The following WWOX variants were observed in gnomAD, a reference collection of about 807,000 sequenced individuals.
WWOX encodes the protein WW domain containing oxidoreductase.
WWOX carries 69 observed loss-of-function variants against 46.2 expected under a neutral mutation model. The ratio of observed to expected loss-of-function variants is 1.49; its 90% CI spans 1.23 to 1.82. WWOX has a LOEUF of 1.82. WWOX is among the 40% of genes most tolerant of loss of function. The pLI is 0.00. For missense variants in WWOX, 919 were observed against 542.6 expected, an observed-to-expected ratio of 1.69 and a Z score of -6.89; for synonymous variants, 359 against 202.6, an observed-to-expected ratio of 1.77 and a Z score of -6.56.
chr16:78,131,009 C>G (rs769930372), intron 4 of WWOX, among the ~76,000 whole-genome samples: 21 of 152,180 alleles, frequency 1.4e-4, no homozygotes, highest in Non-Finnish European at 2.9e-4. Flanking sequence ...ACTTGTATAG[C>G]ATGGTACCGA....
intron 8 of WWOX, among the ~76,000 whole-genome samples, chr16:78,991,544 T>A: frequency 7.0e-6 from 1 of 142,006 alleles, no homozygotes. Context: ...GAGGCTATAG[T>A]GAGCCATGAT....
chr16:78,310,450 G>A (rs889040059), intron 5 of WWOX, among the ~76,000 whole-genome samples: 1 of 152,206 alleles, frequency 6.6e-6, no homozygotes, highest in Admixed American at 6.5e-5. Context: ...TTTGTTTTCA[G>A]CTCTGAGAGC....
chr16:78,976,660 GA>G lies in WWOX; in HGVS notation c.1057-234947del, dbSNP rs560460126. ...ATAAGACCATCTCTTGGATTAATGTGACGCTGAAATAAAATAATCCAAAGAG... is the reference window on the plus strand; with the variant it reads ...ATAAGACCATCTCTTGGATTAATGTGCGCTGAAATAAAATAATCCAAAGAG... On this transcript the variant is annotated intron_variant, in intron 8 of 8. Transcript: ENST00000566780. Among the ~76,000 whole-genome samples, 187 of 152,324 alleles carry G rather than the reference GA, an allele frequency of 1.2e-3. 1 individual carries two copies. Among genetic ancestry groups the G allele is most frequent in the African/African-American group, 4.1e-3 (172 of 41,570 alleles).
At chr16:78,993,925 G>T (rs138808792) in intron 8 of WWOX, among the ~76,000 whole-genome samples, 1 of 152,140 alleles carries the variant, frequency 6.6e-6, no homozygotes, top group Non-Finnish European at 1.5e-5. Flanking sequence ...GTATGTGACC[G>T]CTTCCCCCGT....
At chr16:78,700,766 G>A (rs555184268) in intron 8 of WWOX, among the ~76,000 whole-genome samples, 12 of 152,290 alleles carry the variant, frequency 7.9e-5, no homozygotes, top group Admixed American at 5.9e-4. Flanking sequence ...AACAGCCATC[G>A]CTAGCATGGT....
chr16:78,789,063 C>T (rs1439062703), intron 8 of WWOX, among the ~76,000 whole-genome samples: 1 of 152,116 alleles, frequency 6.6e-6, no homozygotes, highest in East Asian at 1.9e-4. Flanking sequence ...AAAGTTTTAA[C>T]AACAAAAGTT....
intron 8 of WWOX, among the ~76,000 whole-genome samples, chr16:78,940,535 C>T (rs557634615): frequency 1.5e-4 from 23 of 152,212 alleles, no homozygotes; most frequent in Non-Finnish European, 2.9e-4. Context: ...ATCGACATCC[C>T]GTGTTCCATC....
At chr16:78,590,024 C>A (rs546623999) in intron 8 of WWOX, among the ~76,000 whole-genome samples, 1 of 152,122 alleles carries the variant, frequency 6.6e-6, no homozygotes, top group African/African-American at 2.4e-5. Flanking sequence ...TCTTACGTGT[C>A]ACGCACTGTG....
intron 8 of WWOX, among the ~76,000 whole-genome samples, chr16:78,760,451 G>T (rs1304154241): frequency 6.6e-6 from 1 of 152,264 alleles, no homozygotes; most frequent in African/African-American, 2.4e-5. Flanking sequence ...ATCATGCAAG[G>T]TAGCATACTC....
intron 8 of WWOX, among the ~76,000 whole-genome samples, chr16:79,190,365 G>T (rs370665738): frequency 6.6e-6 from 1 of 152,034 alleles, no homozygotes; most frequent in African/African-American, 2.4e-5. Context: ...GGGAATTAGC[G>T]TGTAGCTATT....
chr16:78,619,347 G>C, intron 8 of WWOX, among the ~76,000 whole-genome samples: 1 of 97,754 alleles, frequency 1.0e-5, no homozygotes, highest in Admixed American at 1.3e-4. Flanking sequence ...GGGCAACAGA[G>C]CAAGACGCCA....
At chr16:78,410,681 A>G (rs960578404) in intron 6 of WWOX, among the ~76,000 whole-genome samples, 2 of 151,492 alleles carry the variant, frequency 1.3e-5, no homozygotes, top group East Asian at 2.0e-4. Flanking sequence ...TGGCACATGC[A>G]TGTAATCCCA....
Position 78,603,130 on chromosome 16 carries a change from C to G in WWOX, c.1056+170378C>G, listed in dbSNP as rs557005835. ...TTCTTGCGTTGCTCTTAAGCCCCCA[C>G]TCTTGGGCAAGGCTCTGTGCTATGC... On this transcript the variant is annotated intron_variant, in intron 8 of 8. Transcript: ENST00000566780. Among the ~76,000 whole-genome samples, 3 of 152,356 alleles carry G rather than the reference C, an allele frequency of 2.0e-5. No individual in the cohort carries two copies. The East Asian group carries it at 5.8e-4, about 29-fold the overall frequency.
intron 8 of WWOX, among the ~76,000 whole-genome samples, chr16:78,661,685 A>T (rs1475377080): frequency 1.3e-5 from 2 of 151,760 alleles, no homozygotes; most frequent in African/African-American, 4.8e-5. Context: ...GAATGGGGGG[A>T]AAAGCTTCAG....
chr16:78,781,121 T>G (rs2050313337), intron 8 of WWOX, among the ~76,000 whole-genome samples: 1 of 152,178 alleles, frequency 6.6e-6, no homozygotes, highest in Non-Finnish European at 1.5e-5. Flanking sequence ...CTGTTGTTTC[T>G]GACAGGTAAA....
chr16:78,718,889 G>C (rs2048628727), intron 8 of WWOX, among the ~76,000 whole-genome samples: 1 of 152,106 alleles, frequency 6.6e-6, no homozygotes. Flanking sequence ...AATTGGGGAG[G>C]GGTGGATGGG....
chr16:78,489,720 G>A (rs2084732719), intron 8 of WWOX, among the ~76,000 whole-genome samples: 1 of 152,142 alleles, frequency 6.6e-6, no homozygotes, highest in Non-Finnish European at 1.5e-5. Flanking sequence ...ATGATGGCAA[G>A]ATGCCGTTCT....
chr16:78,735,980 C>G (rs972962539), intron 8 of WWOX, among the ~76,000 whole-genome samples: 7 of 152,178 alleles, frequency 4.6e-5, no homozygotes, highest in South Asian at 2.1e-4. Flanking sequence ...AGTGTGCCAC[C>G]TCAAGCGATT....
chr16:78,195,182 G>T (rs1461635262), intron 5 of WWOX, among the ~76,000 whole-genome samples: 1 of 152,140 alleles, frequency 6.6e-6, no homozygotes, highest in Admixed American at 6.5e-5. Flanking sequence ...CACTTGTTCA[G>T]ATCTCAGTCT....
Sources: allele counts gnomAD v4.1 joint callset (sites outside exome capture counted in the v4.1 genomes callset), GRCh38; gene constraint gnomAD v4.1.1; transcripts MANE v1.5; gene names NCBI Gene and HGNC (gene_info 2026-07-23, HGNC 2026-07-21).